MAN1A1: variants seen among roughly 807,000 people sequenced by gnomAD.
MAN1A1 encodes the protein mannosyl-oligosaccharide 1,2-alpha-mannosidase IA.
MAN1A1 carries 29 observed loss-of-function variants against 70.8 expected under a neutral mutation model. The observed-to-expected ratio is 0.41, with a 90% CI of 0.31 to 0.56. The LOEUF (loss-of-function observed/expected upper bound fraction) is 0.56. MAN1A1 is among the 20% of genes least tolerant of loss of function. MAN1A1 has a pLI of 0.29. For synonymous variants in MAN1A1, 349 were observed against 330.1 expected (o/e 1.06, Z -0.62); for missense variants, 747 against 841.3 (o/e 0.89, Z 1.39).
chr6:119,213,582 A>G (rs1774110577), intron 6 of MAN1A1, among the ~76,000 whole-genome samples: 1 of 152,206 alleles, frequency 6.6e-6, no homozygotes, highest in Non-Finnish European at 1.5e-5. Flanking sequence ...AGTCAGCGTT[A>G]AAGGACAATC....
At chr6:119,186,977 A>G (rs1465455202) in intron 11 of MAN1A1, among the ~76,000 whole-genome samples, 3 of 152,206 alleles carry the variant, frequency 2.0e-5, no homozygotes, top group Non-Finnish European at 2.9e-5. Flanking sequence ...TATGTTAAAG[A>G]GTTGACAAGA....
At chr6:119,299,237 T>TA (rs1388911525) in intron 4 of MAN1A1, among the ~76,000 whole-genome samples, 1 of 152,082 alleles carries the variant, frequency 6.6e-6, no homozygotes, top group Non-Finnish European at 1.5e-5. Context: ...ATTAGAAAAG[T>TA]AAGTCAATAT....
At chr6:119,186,109 C>G (rs1473703850) in intron 11 of MAN1A1, among the ~76,000 whole-genome samples, 2 of 152,018 alleles carry the variant, frequency 1.3e-5, no homozygotes, top group Non-Finnish European at 1.5e-5. Context: ...CCCCAGAGCA[C>G]AGAACACTGT....
chr6:119,198,307 T>C (rs904965045), intron 8 of MAN1A1, among the ~76,000 whole-genome samples: 1 of 152,174 alleles, frequency 6.6e-6, no homozygotes, highest in African/African-American at 2.4e-5. Flanking sequence ...GGAGAATTGC[T>C]TGAGCATGGG....
chr6:119,215,164 C>T (rs995737267), intron 6 of MAN1A1, among the ~76,000 whole-genome samples: 5 of 150,156 alleles, frequency 3.3e-5, no homozygotes, highest in African/African-American at 7.4e-5. Flanking sequence ...CAAACCTGCA[C>T]GTTGTGTACA....
At chr6:119,229,280 C>T (rs895642415) in intron 6 of MAN1A1, among the ~76,000 whole-genome samples, 31 of 151,436 alleles carry the variant, frequency 2.0e-4, no homozygotes, top group African/African-American at 6.3e-4. Flanking sequence ...AAAGAGGTTC[C>T]ATGGTGAAAA....
At chr6:119,324,001 G>T (rs769633701) in intron 2 of MAN1A1, among the ~76,000 whole-genome samples, 2 of 152,178 alleles carry the variant, frequency 1.3e-5, no homozygotes, top group Middle Eastern at 3.2e-3. Context: ...ATAAGCAACT[G>T]TAATGCATAG....
At chr6:119,302,624 C>G (rs886569384) in intron 3 of MAN1A1, among the ~76,000 whole-genome samples, 2 of 152,102 alleles carry the variant, frequency 1.3e-5, no homozygotes, top group African/African-American at 4.8e-5. Flanking sequence ...TCATAATCCA[C>G]CCACCTAGGC....
chr6:119,226,991 C>T (rs1050500075), intron 6 of MAN1A1, among the ~76,000 whole-genome samples: 1 of 152,104 alleles, frequency 6.6e-6, no homozygotes, highest in African/African-American at 2.4e-5. Context: ...TTTTCATAAG[C>T]AGTTTTACTT....
At chr6:119,193,235 A>C (rs191292219) in intron 9 of MAN1A1, among the ~76,000 whole-genome samples, 37 of 152,204 alleles carry the variant, frequency 2.4e-4, no homozygotes, top group Non-Finnish European at 4.1e-4. Context: ...AGCACATGGT[A>C]GGCAATTCAA....
chr6:119,218,799 G>GGCACCCT lies in MAN1A1; in HGVS notation c.993-13924_993-13918dup, dbSNP rs1158699359. The stretch of plus-strand genomic sequence containing the variant: ...TACTGGCCAGAGCTGGTTCACACCT[G>GGCACCCT]GCACCCTGAGCTGCCAAGGTAGGCT... On this transcript the variant is annotated intron_variant, in intron 6 of 12. Transcript: ENST00000368468. Among the ~76,000 whole-genome samples, 12 of 152,274 alleles carry GGCACCCT rather than the reference G, an allele frequency of 7.9e-5. No individual in the cohort carries two copies. In the South Asian group the frequency reaches 2.1e-3, roughly 26 times the overall value.
rs369350464 is a variant in MAN1A1, at chr6:119,331,411, AG to A, written c.603+17051del. 3.9e-5 allele frequency among the ~76,000 whole-genome samples: 6 copies of A among 152,020 alleles called. No individual in the cohort carries two copies. In the East Asian group the frequency reaches 1.2e-3, roughly 29 times the overall value. ...TAGGAGTCATAGTTGCCCCAAGATG[AG>A]GGAGAATAAAGGAAGCAAATTTAGA... On this transcript the variant is annotated intron_variant, in intron 2 of 12. Transcript: ENST00000368468.
intron 6 of MAN1A1, among the ~76,000 whole-genome samples, chr6:119,225,269 G>A (rs941715277): frequency 1.3e-5 from 2 of 152,078 alleles, no homozygotes; most frequent in Admixed American, 6.6e-5. Flanking sequence ...AGGTGCGGTG[G>A]CTCACACCTG....
At chr6:119,211,990 A>T (rs1257184952) in intron 6 of MAN1A1, among the ~76,000 whole-genome samples, 2 of 151,628 alleles carry the variant, frequency 1.3e-5, no homozygotes, top group Admixed American at 6.6e-5. Context: ...ACAGGTGCCC[A>T]CCACCATGCC....
At chr6:119,236,707 C>CAAAAAAAAAAAAAAAAAAAA (rs34748730) in intron 6 of MAN1A1, among the ~76,000 whole-genome samples, 1 of 96,596 alleles carries the variant, frequency 1.0e-5, no homozygotes, top group Non-Finnish European at 2.2e-5. Context: ...GACTTTGTCT[C>CAAAAAAAAAAAAAAAAAAAA]AAAAAAAAAA....
chr6:119,203,318 G>A (rs745320009), intron 7 of MAN1A1, among the ~76,000 whole-genome samples: 1 of 152,130 alleles, frequency 6.6e-6, no homozygotes, highest in Non-Finnish European at 1.5e-5. Context: ...AGTAGGCCAC[G>A]TGGAAATGTG....
chr6:119,301,182 A>G (rs2114439557), intron 4 of MAN1A1, among the ~76,000 whole-genome samples: 1 of 152,354 alleles, frequency 6.6e-6, no homozygotes, highest in Non-Finnish European at 1.5e-5. Context: ...GTCTCAGATT[A>G]GAAATAATAC....
At chr6:119,215,729 T>C (rs949363533) in intron 6 of MAN1A1, among the ~76,000 whole-genome samples, 3 of 152,226 alleles carry the variant, frequency 2.0e-5, no homozygotes, top group African/African-American at 4.8e-5. Context: ...TTACTCAAAA[T>C]GAAAATGTTT....
At chr6:119,197,585 C>A (rs1044253568) in intron 8 of MAN1A1, among the ~76,000 whole-genome samples, 2 of 152,076 alleles carry the variant, frequency 1.3e-5, no homozygotes, top group African/African-American at 4.8e-5. Flanking sequence ...AAATCCCAAC[C>A]GGAGCACTGA....
Sources: gnomAD v4.1 joint callset for allele counts (sites outside exome capture counted in the v4.1 genomes callset) on GRCh38, gnomAD v4.1.1 for gene constraint, MANE v1.5 for transcripts, NCBI Gene and HGNC (gene_info 2026-07-23, HGNC 2026-07-21) for gene names.